FXYD2: variants seen among roughly 807,000 people sequenced by gnomAD.
FXYD2 encodes FXYD domain containing ion transport regulator 2, also known as sodium/potassium-transporting ATPase subunit gamma.
FXYD2 carries 8 observed loss-of-function variants against 11.8 expected under a neutral mutation model. That is an observed-to-expected ratio of 0.68 (90% CI 0.40 to 1.22). The LOEUF (loss-of-function observed/expected upper bound fraction) is 1.22. Among genes scored for constraint, FXYD2 ranks in the 50% most tolerant of loss-of-function variants. FXYD2 has a pLI of 0.01. For synonymous variants in FXYD2, 42 were observed against 33.3 expected (o/e 1.26, Z -0.90); for missense variants, 92 against 91.8 (o/e 1.00, Z -0.01).
rs2055993322 is a variant in FXYD2, at chr11:117,824,550, G to T, written c.25+104C>A. ...GGGCTGGGTACTCTGGAAGGCTGAGGTGGCAGGAGAGGGAAGAGTAGGGTC... is the reference window on the plus strand; with the variant it reads ...GGGCTGGGTACTCTGGAAGGCTGAGTTGGCAGGAGAGGGAAGAGTAGGGTC... On this transcript the variant is annotated intron_variant, in intron 1 of 5. Transcript: ENST00000292079. This position sits in a 1 kb window ranked among gnomAD's most constrained non-coding sequence, Gnocchi z 4.0. The T allele has an allele frequency of 2.2e-6, 2 of 927,500 alleles. No individual in the cohort carries two copies. The highest frequency in any genetic ancestry group is 1.8e-5 in the Admixed American group (1 of 54,662). The allele number at this position is 927,500 out of a possible 1,614,324, so 57.5% of individuals were successfully genotyped here.
upstream of FXYD2, chr11:117,824,775 G>A (rs1234062515): frequency 1.3e-6 from 2 of 1,493,768 alleles, no homozygotes; most frequent in African/African-American, 1.4e-5. This position sits in a 1 kb window ranked among gnomAD's most constrained non-coding sequence, Gnocchi z 4.0. Flanking sequence ...CGGGGACGAG[G>A]TGCGGGCATT....
At chr11:117,821,824 G>A in intron 3 of FXYD2, 1 of 995,380 alleles carries the variant, frequency 1.0e-6, no homozygotes, top group Non-Finnish European at 1.2e-6. Context: ...AGAGCCCACA[G>A]GTGTGCTTGC....
intron 5 of FXYD2, 23 bp downstream of exon 5, chr11:117,820,643 T>G: frequency 6.2e-7 from 1 of 1,613,566 alleles, no homozygotes; most frequent in Non-Finnish European, 8.5e-7. Flanking sequence ...TCCCCGCACC[T>G]TCCCCAGGCC....
rs956226150 is a variant in FXYD2, at chr11:117,822,418, G to A, written c.127C>T (p.Leu43Phe). 1 of 1,559,282 alleles carries A rather than the reference G, an allele frequency of 6.4e-7. No homozygotes were observed. Among genetic ancestry groups the A allele is most frequent in the South Asian group, 1.2e-5 (1 of 84,544 alleles). Reference sequence around the variant, plus strand: ...CCACCCCACTTACTGAGGAGGATGAGGAGCCCCACGATGAAGGCCAGTCCA... The same window carrying A: ...CCACCCCACTTACTGAGGAGGATGAAGAGCCCCACGATGAAGGCCAGTCCA... ...FAGLAFIVGL[L>F]ILLSRRFRCG... The change falls in exon 3 of 6, where the codon CTC becomes TTC. Residue 43 changes from leucine to phenylalanine, a missense_variant. Physicochemically the swap from Leu to Phe is conservative, Grantham distance 22. Transcript: ENST00000292079. This position sits in a 1 kb window ranked among gnomAD's most constrained non-coding sequence, Gnocchi z 4.7.
upstream of FXYD2, among the ~76,000 whole-genome samples, chr11:117,827,328 C>A (rs2056066937): frequency 6.6e-6 from 1 of 152,206 alleles, no homozygotes; most frequent in Admixed American, 6.5e-5. Flanking sequence ...CGACTCACTG[C>A]AACCTCCGCC....
rs762618472 is a variant in FXYD2 at position 117,824,700 on chromosome 11, C to T, written c.-22G>A. 10 of 1,613,766 alleles carry T rather than the reference C, an allele frequency of 6.2e-6. No individual in the cohort carries two copies. The Admixed American group carries it at 1.5e-4, about 24-fold the overall frequency. On this transcript the variant is annotated 5_prime_UTR_variant, in exon 1 of 6. Transcript: ENST00000292079. The surrounding 1 kb of genome is among the most constrained non-coding windows in gnomAD (Gnocchi z 4.0). Reference sequence around the variant, plus strand: ...TCATTTCCCCAGGTGAATGGGCTGCCTCCACTCCCCTCTTCCTGCTGTCTC... The same window carrying T: ...TCATTTCCCCAGGTGAATGGGCTGCTTCCACTCCCCTCTTCCTGCTGTCTC...
chr11:117,826,819 T>C (rs1275978754), upstream of FXYD2, among the ~76,000 whole-genome samples: 3 of 142,686 alleles, frequency 2.1e-5, no homozygotes, highest in Non-Finnish European at 4.7e-5. Context: ...TATCTATCTA[T>C]CTATCTGTCT....
upstream of FXYD2, chr11:117,828,005 C>T: frequency 1.3e-6 from 2 of 1,548,682 alleles, no homozygotes; most frequent in Non-Finnish European, 1.7e-6. Context: ...CCAGGTACCA[C>T]CTGTCCATGG....
At position 117,820,844 on chromosome 11, in the gene FXYD2, C is replaced by G; in HGVS notation, c.176+15G>C. Reference sequence around the variant, plus strand: ...AGCCCCAACCCCCTCATCGGTCACCCCAGGCAGCGCTCACCTGCGCTTCTT... The same window carrying G: ...AGCCCCAACCCCCTCATCGGTCACCGCAGGCAGCGCTCACCTGCGCTTCTT... On this transcript the variant is annotated intron_variant, in intron 4 of 5. Transcript: ENST00000292079. 1 of 1,613,958 alleles carries G rather than the reference C, an allele frequency of 6.2e-7. No individual in the cohort carries two copies. Among genetic ancestry groups the G allele is most frequent in the African/African-American group, 1.3e-5 (1 of 74,934 alleles).
At chr11:117,826,295 C>A (rs969186457), upstream of FXYD2, among the ~76,000 whole-genome samples, 5 of 152,198 alleles carry the variant, frequency 3.3e-5, no homozygotes, top group Non-Finnish European at 5.9e-5. Context: ...CCGTTCAGCT[C>A]CCTTCTGCTT....
chr11:117,825,244 A>G (rs563210991), upstream of FXYD2, among the ~76,000 whole-genome samples: 6 of 152,286 alleles, frequency 3.9e-5, no homozygotes, highest in East Asian at 1.2e-3. Flanking sequence ...GCCAAAGCTG[A>G]CCAGCAGTAG....
upstream of FXYD2, among the ~76,000 whole-genome samples, chr11:117,826,764 CT>C (rs2056042767): frequency 9.2e-6 from 1 of 108,500 alleles, no homozygotes; most frequent in African/African-American, 3.2e-5. Context: ...ATCTGTCTGT[CT>C]GTCTGTCTGT....
chr11:117,824,580 T>C lies in FXYD2; in HGVS notation c.25+74A>G, dbSNP rs368731453. On this transcript the variant is annotated intron_variant, in intron 1 of 5. Transcript: ENST00000292079. The surrounding 1 kb of genome is among the most constrained non-coding windows in gnomAD (Gnocchi z 4.0). Reference sequence around the variant, plus strand: ...AGGAGAGGGAAGAGTAGGGTCCAGCTGACCCCACAAAGGCAGGCCAATCAG... The same window carrying C: ...AGGAGAGGGAAGAGTAGGGTCCAGCCGACCCCACAAAGGCAGGCCAATCAG... The C allele has an allele frequency of 8.3e-7, 1 of 1,203,058 alleles. No homozygotes were observed. Among genetic ancestry groups the C allele is most frequent in the Non-Finnish European group, 1.2e-6 (1 of 807,208 alleles). 74.5% of individuals were successfully genotyped at this position (1,203,058 alleles called of 1,614,324 possible). A position where few individuals can be genotyped will look rare whatever the true frequency, so the allele number is the denominator to read the frequency against.
At chr11:117,826,826 G>A (rs5026789), upstream of FXYD2, among the ~76,000 whole-genome samples, 147 of 109,710 alleles carry the variant, frequency 1.3e-3, no homozygotes, top group East Asian at 3.6e-3. Flanking sequence ...CTATCTATCT[G>A]TCTATCTATC....
intron 1 of FXYD2, among the ~76,000 whole-genome samples, chr11:117,823,176 T>C (rs1166030239): frequency 2.0e-5 from 3 of 152,222 alleles, no homozygotes; most frequent in African/African-American, 7.2e-5. Flanking sequence ...GAGCCCAATG[T>C]GTAGACTTGT....
chr11:117,821,802 C>T (rs1406818666), intron 3 of FXYD2: 1 of 990,528 alleles, frequency 1.0e-6, no homozygotes, highest in African/African-American at 1.7e-5. Flanking sequence ...GGCACACGTG[C>T]ATTAGAAGTC....
intron 3 of FXYD2, chr11:117,821,469 G>T: frequency 2.0e-6 from 2 of 986,304 alleles, no homozygotes; most frequent in Non-Finnish European, 2.4e-6. Flanking sequence ...TTGGCATATC[G>T]AGAGTAGCAG....
intron 3 of FXYD2, chr11:117,821,522 T>A (rs1377718766): frequency 4.1e-6 from 4 of 985,950 alleles, no homozygotes; most frequent in Non-Finnish European, 4.8e-6. Context: ...AGCTGCCCGA[T>A]GAACACCTGG....
upstream of FXYD2, among the ~76,000 whole-genome samples, chr11:117,825,919 C>A (rs1367334676): frequency 6.6e-6 from 1 of 152,168 alleles, no homozygotes; most frequent in Non-Finnish European, 1.5e-5. Flanking sequence ...CAAGCAGGGG[C>A]AGGGCTTGGC....
Sources: gnomAD v4.1 joint callset for allele counts (sites outside exome capture counted in the v4.1 genomes callset) on GRCh38, gnomAD v4.1.1 for gene constraint, Gnocchi (gnomAD v3.1) non-coding constraint, MANE v1.5 for transcripts, NCBI Gene and HGNC (gene_info 2026-07-23, HGNC 2026-07-21) for gene names.